TMEM63C: variants seen among roughly 807,000 people sequenced by gnomAD.
TMEM63C encodes transmembrane protein 63C.
TMEM63C carries 32 observed loss-of-function variants against 99.2 expected under a neutral mutation model. The observed-to-expected ratio is 0.32, with a 90% CI of 0.24 to 0.43. The LOEUF is 0.43. Ranked by LOEUF, TMEM63C falls within the 20% of genes least tolerant of loss-of-function variation. The probability of loss-of-function intolerance (pLI) is 1.00; values close to 1 mark genes in which losing one functional copy is unlikely to be tolerated. For missense variants in TMEM63C, 826 were observed against 1,053.0 expected, an observed-to-expected ratio of 0.78 and a Z score of 2.98; for synonymous variants, 376 against 397.9, an observed-to-expected ratio of 0.94 and a Z score of 0.66.
intron 1 of TMEM63C, among the ~76,000 whole-genome samples, chr14:77,192,993 A>G (rs1888136681): frequency 6.6e-6 from 1 of 152,252 alleles, no homozygotes. Flanking sequence ...AGTCCAAAGG[A>G]TGCCATAAAT....
At position 77,245,856 on chromosome 14, in the gene TMEM63C, C is replaced by T; in HGVS notation, c.1449-84C>T. ...ACACAGAGCCAAACCATATCAGTGTCTCTCTTCCTCTCTATTACATAGTTA... is the reference window on the plus strand; with the variant it reads ...ACACAGAGCCAAACCATATCAGTGTTTCTCTTCCTCTCTATTACATAGTTA... On this transcript the variant is annotated intron_variant, in intron 16 of 23. Transcript: ENST00000298351. The T allele has an allele frequency of 6.0e-6, 6 of 993,292 alleles. 1 individual carries two copies. Among genetic ancestry groups the T allele is most frequent in the East Asian group, 4.8e-5 (2 of 41,866 alleles). 61.5% of individuals were successfully genotyped at this position (993,292 alleles called of 1,614,324 possible).
At chr14:77,241,396 G>A (rs1369280349) in intron 13 of TMEM63C, among the ~76,000 whole-genome samples, 2 of 152,150 alleles carry the variant, frequency 1.3e-5, no homozygotes, top group Non-Finnish European at 2.9e-5. Context: ...CCCATGCGTT[G>A]ACAAGGAGTG....
intron 21 of TMEM63C, 107 bp downstream of exon 21, chr14:77,249,565 G>C: frequency 7.6e-7 from 1 of 1,307,748 alleles, no homozygotes; most frequent in South Asian, 1.4e-5. Context: ...AGGGCAAGAC[G>C]CTGCTCACCA....
Position 77,186,328 on chromosome 14 carries a change from G to T in TMEM63C, c.-77+4434G>T, listed in dbSNP as rs1078366. Among the ~76,000 whole-genome samples, 628 of 152,148 alleles carry T rather than the reference G, an allele frequency of 4.1e-3. 2 individuals carry two copies. Among genetic ancestry groups the T allele is most frequent in the South Asian group, 0.017 (83 of 4,814 alleles). Reference sequence around the variant, plus strand: ...GTGCCCAGCCAGACCATGCTTTTTTGATGACACCAAACAATGTTCAAGAAT... The same window carrying T: ...GTGCCCAGCCAGACCATGCTTTTTTTATGACACCAAACAATGTTCAAGAAT... On this transcript the variant is annotated intron_variant, in intron 1 of 23. Transcript: ENST00000298351.
intron 1 of TMEM63C, among the ~76,000 whole-genome samples, chr14:77,194,360 G>A (rs1206351982): frequency 1.3e-5 from 2 of 150,928 alleles, no homozygotes; most frequent in Non-Finnish European, 3.0e-5. Context: ...GTGTGTGTGT[G>A]TGTGTGTGTG....
chr14:77,213,051 A>G (rs941156676), intron 1 of TMEM63C, among the ~76,000 whole-genome samples: 4 of 152,180 alleles, frequency 2.6e-5, no homozygotes, highest in African/African-American at 9.7e-5. Flanking sequence ...GAATGAATGA[A>G]CCAATAGTGG....
chr14:77,242,797 G>T (rs1889202131), intron 14 of TMEM63C, 106 bp from the exon 15 acceptor site: 1 of 1,368,676 alleles, frequency 7.3e-7, no homozygotes, highest in Admixed American at 1.7e-5. Context: ...CAGGAGGCTG[G>T]ATTAGACCAG....
Position 77,248,416 on chromosome 14 carries a change from A to G in TMEM63C, c.1671A>G (p.Thr557=). 6.2e-7 allele frequency: 1 copy of G among 1,600,300 alleles called. No individual in the cohort carries two copies. The highest frequency in any genetic ancestry group is 8.5e-7 in the Non-Finnish European group (1 of 1,173,544). Residue 557 remains threonine (T), a synonymous_variant, in exon 19 of 24, where the codon ACA becomes ACG. Transcript: ENST00000298351. ...TGATCACGGCAGCTTTACTTGGCACAGGCATGGAGCTGCTGCGTCTGGGGT... is the reference window on the plus strand; with the variant it reads ...TGATCACGGCAGCTTTACTTGGCACGGGCATGGAGCTGCTGCGTCTGGGGT... ...NYVITAALLG[T]GMELLRLGSL... is the part of the protein sequence containing the mutation.
At chr14:77,199,791 C>G (rs897199666) in intron 1 of TMEM63C, among the ~76,000 whole-genome samples, 4 of 152,180 alleles carry the variant, frequency 2.6e-5, no homozygotes, top group African/African-American at 9.7e-5. Context: ...TGGGACTCAT[C>G]GAACACTGGC....
chr14:77,214,720 A>C (rs1208191629), intron 2 of TMEM63C, among the ~76,000 whole-genome samples: 1 of 149,506 alleles, frequency 6.7e-6, no homozygotes, highest in Non-Finnish European at 1.5e-5. Context: ...GTCAATGTCC[A>C]CATCTCCACA....
At chr14:77,253,757 A>C (rs897107521) in intron 23 of TMEM63C, among the ~76,000 whole-genome samples, 5 of 152,180 alleles carry the variant, frequency 3.3e-5, no homozygotes, top group African/African-American at 1.2e-4. Context: ...AGCGACACAG[A>C]CAGAGCTTCA....
At chr14:77,193,349 T>A (rs552173928) in intron 1 of TMEM63C, among the ~76,000 whole-genome samples, 1 of 152,290 alleles carries the variant, frequency 6.6e-6, no homozygotes, top group South Asian at 2.1e-4. Flanking sequence ...CACATAAGTT[T>A]TGACCCAGGG....
intron 1 of TMEM63C, among the ~76,000 whole-genome samples, chr14:77,182,964 C>G (rs527654706): frequency 7.9e-4 from 120 of 152,290 alleles, no homozygotes; most frequent in African/African-American, 2.8e-3. Context: ...CTTAGCACCA[C>G]CCTCTGTTAT....
intron 8 of TMEM63C, among the ~76,000 whole-genome samples, chr14:77,234,983 T>C (rs1015988429): frequency 3.3e-5 from 5 of 152,166 alleles, no homozygotes; most frequent in Non-Finnish European, 2.9e-5. Flanking sequence ...CAGCGCACCA[T>C]TGCTACAGTG....
chr14:77,212,934 C>T (rs965358120), intron 1 of TMEM63C, among the ~76,000 whole-genome samples: 1 of 152,224 alleles, frequency 6.6e-6, no homozygotes, highest in African/African-American at 2.4e-5. Context: ...CGCCCAACAG[C>T]AGTCCTCTCC....
In TMEM63C at chr14:77,257,324, G is replaced by A. The variant is rs568573605; in HGVS notation, c.*598G>A. ...AAGAGCCAACTGAAAGCGTAGACCT[G>A]AGAAGAGGTAACTCAGCCCCTTCCT... On this transcript the variant is annotated 3_prime_UTR_variant, in exon 24 of 24. Transcript: ENST00000298351. The A allele has an allele frequency of 2.0e-5, 3 of 153,074 alleles. No individual in the cohort carries two copies. The highest frequency in any genetic ancestry group is 2.0e-4 in the Admixed American group (3 of 15,362). The allele number at this position is 153,074 out of a possible 1,614,324, so 9.5% of individuals were successfully genotyped here. A position where few individuals can be genotyped will look rare whatever the true frequency, so the allele number is the denominator to read the frequency against.
In TMEM63C at chr14:77,220,101, G is replaced by T; in HGVS notation, c.312+14G>T. ...CGCAGAGACAAGGTGAGTGCTGGGAGCGGTCTGGGCGGTGGGAGTCCCAGC... is the reference window on the plus strand; with the variant it reads ...CGCAGAGACAAGGTGAGTGCTGGGATCGGTCTGGGCGGTGGGAGTCCCAGC... On this transcript the variant is annotated intron_variant, in intron 5 of 23. Coordinates refer to ENST00000298351, the MANE Select transcript of TMEM63C (RefSeq NM_020431.4). 6.4e-7 allele frequency: 1 copy of T among 1,552,852 alleles called. No individual in the cohort carries two copies. Among genetic ancestry groups the T allele is most frequent in the Non-Finnish European group, 8.7e-7 (1 of 1,148,056 alleles).
rs751504689 is a variant in TMEM63C, at chr14:77,251,801, C to T, written c.2051C>T (p.Ala684Val). ...TCCTCCTCGGCAGGTTCTCTCCACG[C>T]CATCACCATCTTTTCCCTGTCCACC... ...FSILRLGSLHAITIFSLSTLL... is the reference protein window; with the variant it reads ...FSILRLGSLHVITIFSLSTLL... The change falls in exon 22 of 24, where the codon GCC becomes GTC. Residue 684 changes from alanine to valine, a missense_variant. By Grantham distance (64) the Ala-to-Val change is moderately conservative. Transcript: ENST00000298351. 3.1e-6 allele frequency: 5 copies of T among 1,613,838 alleles called. No individual in the cohort carries two copies. Among genetic ancestry groups the T allele is most frequent in the Admixed American group, 1.7e-5 (1 of 60,008 alleles).
At chr14:77,253,424 G>T in intron 23 of TMEM63C, 48 bp downstream of exon 23, 1 of 1,536,554 alleles carries the variant, frequency 6.5e-7, no homozygotes, top group South Asian at 1.2e-5. Flanking sequence ...TGCTTGCAGG[G>T]ATGGTCTACT....
Sources: allele counts gnomAD v4.1 joint callset (sites outside exome capture counted in the v4.1 genomes callset), GRCh38; gene constraint gnomAD v4.1.1; transcripts MANE v1.5; gene names NCBI Gene and HGNC (gene_info 2026-07-23, HGNC 2026-07-21).